Variants in FREM2 observed in about 807,000 individuals in gnomAD.
The protein encoded by FREM2 is FRAS1-related extracellular matrix protein 2.
FREM2 carries 119 observed loss-of-function variants against 219.9 expected under a neutral mutation model. That is an observed-to-expected ratio of 0.54 (90% CI 0.47 to 0.63). The LOEUF (loss-of-function observed/expected upper bound fraction) is 0.63, where lower values mean the gene tolerates loss of function less well. Among genes scored for constraint, FREM2 ranks in the 30% least tolerant of loss-of-function variants. The pLI, the probability that FREM2 is intolerant of heterozygous loss-of-function variation, is 0.00. For synonymous variants in FREM2, 1,562 were observed against 1,522.8 expected (o/e 1.03, Z -0.60); for missense variants, 4,030 against 3,993.6 (o/e 1.01, Z -0.25).
At chr13:38,766,084 A>G (rs1468012380) in intron 3 of FREM2, among the ~76,000 whole-genome samples, 3 of 152,224 alleles carry the variant, frequency 2.0e-5, no homozygotes, top group Non-Finnish European at 2.9e-5. Context: ...AAATAGGTTT[A>G]TCTATTTTTT....
At chr13:38,712,575 C>T (rs1870818221) in intron 2 of FREM2, among the ~76,000 whole-genome samples, 1 of 152,000 alleles carries the variant, frequency 6.6e-6, no homozygotes, top group Non-Finnish European at 1.5e-5. Flanking sequence ...CTAAGGCAGG[C>T]AGATATACAT....
At chr13:38,796,611 A>T (rs930673960) in intron 6 of FREM2, among the ~76,000 whole-genome samples, 4 of 152,152 alleles carry the variant, frequency 2.6e-5, no homozygotes, top group African/African-American at 7.2e-5. Flanking sequence ...TGTGAATATA[A>T]TGCACTTGAT....
At chr13:38,841,107 A>C (rs745309031) in intron 6 of FREM2, among the ~76,000 whole-genome samples, 3 of 152,082 alleles carry the variant, frequency 2.0e-5, no homozygotes, top group Non-Finnish European at 4.4e-5. Context: ...CCTAATCCTT[A>C]ATTTCCTTAT....
rs772941769 is a variant in FREM2, at chr13:38,692,032, C to G, written c.4688C>G (p.Thr1563Ser). Residue 1563 changes from threonine to serine, a missense_variant, in exon 1 of 24, where the codon ACT becomes AGT. By Grantham distance (58) the Thr-to-Ser change is moderately conservative. Transcript: ENST00000280481. ...GAGCTCACTGTCGAAGACAGAGATA[C>G]TCCTGACAAGCTCCTGAAATTCACT... ...PFELTVEDRD[T>S]PDKLLKFTIT... 6.2e-7 allele frequency: 1 copy of G among 1,614,228 alleles called. No individual in the cohort carries two copies. Among genetic ancestry groups the G allele is most frequent in the Non-Finnish European group, 8.5e-7 (1 of 1,180,040 alleles).
chr13:38,727,486 A>G (rs1871578697), intron 2 of FREM2, among the ~76,000 whole-genome samples: 1 of 152,226 alleles, frequency 6.6e-6, no homozygotes, highest in South Asian at 2.1e-4. Flanking sequence ...CTCAAAAAAC[A>G]AAACAAAACA....
intron 4 of FREM2, among the ~76,000 whole-genome samples, chr13:38,782,526 A>G (rs1874158066): frequency 2.0e-5 from 3 of 152,222 alleles, no homozygotes; most frequent in African/African-American, 4.8e-5. Context: ...TGAACAATGT[A>G]TTATTGTAAC....
chr13:38,805,815 G>A (rs1875203587), intron 6 of FREM2, among the ~76,000 whole-genome samples: 1 of 151,842 alleles, frequency 6.6e-6, no homozygotes, highest in African/African-American at 2.4e-5. Flanking sequence ...TTGTGAAAAT[G>A]TGCGGTATTA....
intron 16 of FREM2, among the ~76,000 whole-genome samples, chr13:38,869,437 A>T (rs958720626): frequency 2.6e-5 from 4 of 152,200 alleles, no homozygotes; most frequent in African/African-American, 9.7e-5. Context: ...CATTAAAGAA[A>T]TATTCCATGA....
intron 4 of FREM2, among the ~76,000 whole-genome samples, chr13:38,776,075 G>T (rs761944769): frequency 3.3e-5 from 5 of 152,184 alleles, no homozygotes; most frequent in African/African-American, 4.8e-5. Context: ...GTAAAAATTA[G>T]TCTATATTAC....
intron 6 of FREM2, among the ~76,000 whole-genome samples, chr13:38,785,084 T>C (rs1489800745): frequency 1.3e-5 from 2 of 152,214 alleles, no homozygotes; most frequent in Non-Finnish European, 2.9e-5. Flanking sequence ...ATTAAACTTT[T>C]GACATTTCAT....
intron 6 of FREM2, among the ~76,000 whole-genome samples, chr13:38,825,658 C>T (rs1876252826): frequency 6.6e-6 from 1 of 152,078 alleles, no homozygotes; most frequent in Non-Finnish European, 1.5e-5. Context: ...TCCTTAGTGA[C>T]ATTACATGTA....
intron 2 of FREM2, among the ~76,000 whole-genome samples, chr13:38,755,109 G>T (rs113488959): frequency 0.025 from 3,794 of 151,996 alleles, 192 homozygotes; most frequent in African/African-American, 0.088. Context: ...CACCATGTTG[G>T]TCAGGCTGGT....
intron 6 of FREM2, among the ~76,000 whole-genome samples, chr13:38,824,529 G>A (rs1330991017): frequency 6.6e-6 from 1 of 152,048 alleles, no homozygotes; most frequent in Non-Finnish European, 1.5e-5. Context: ...AGGCTCATAG[G>A]TTAGGGGTTT....
At chr13:38,843,508 G>C (rs1043007274) in intron 6 of FREM2, among the ~76,000 whole-genome samples, 5 of 151,404 alleles carry the variant, frequency 3.3e-5, no homozygotes, top group African/African-American at 1.2e-4. Context: ...TAATTTTTGA[G>C]GGACAAGCAA....
At chr13:38,701,913 T>C (rs1350492045) in intron 2 of FREM2, among the ~76,000 whole-genome samples, 4 of 152,242 alleles carry the variant, frequency 2.6e-5, no homozygotes, top group African/African-American at 9.6e-5. Context: ...TCAAAAAAGG[T>C]ATCATTAATC....
At chr13:38,708,909 G>A (rs749009391) in intron 2 of FREM2, among the ~76,000 whole-genome samples, 8 of 151,982 alleles carry the variant, frequency 5.3e-5, no homozygotes, top group Non-Finnish European at 1.2e-4. Context: ...ACAGGTGCCC[G>A]CCATGACGCC....
intron 6 of FREM2, among the ~76,000 whole-genome samples, chr13:38,826,278 A>G (rs1876281624): frequency 6.6e-6 from 1 of 152,108 alleles, no homozygotes; most frequent in African/African-American, 2.4e-5. Flanking sequence ...ATCAAATTGG[A>G]TATTGCAGAC....
rs575380040 is a variant in FREM2 at position 38,780,847 on chromosome 13, C to A, written c.5642-2223C>A. ...TTCTAGTTAATCCACTAGAGCTTCC[C>A]CATGCCAACAGCCTCCAATGAGGTC... On this transcript the variant is annotated intron_variant, in intron 4 of 23. Transcript: ENST00000280481. Among the ~76,000 whole-genome samples, 373 of 152,322 alleles carry A rather than the reference C, an allele frequency of 2.4e-3. 3 individuals are homozygous for A. Among genetic ancestry groups the A allele is most frequent in the African/African-American group, 8.2e-3 (342 of 41,578 alleles).
rs572075492 is a variant in FREM2, at chr13:38,746,152, T to G, written c.5264-18152T>G. 3.3e-5 allele frequency among the ~76,000 whole-genome samples: 5 copies of G among 152,338 alleles called. No homozygotes were observed. In the East Asian group the frequency reaches 9.6e-4, roughly 29 times the overall value. ...CTGTTCATCTGTCCTAAATTGGTCT[T>G]TAGACCACTTATGCTAAGTAGGAAC... On this transcript the variant is annotated intron_variant, in intron 2 of 23. Transcript: ENST00000280481.
Sources: allele counts gnomAD v4.1 joint callset (sites outside exome capture counted in the v4.1 genomes callset), GRCh38; gene constraint gnomAD v4.1.1; transcripts MANE v1.5; gene names NCBI Gene and HGNC (gene_info 2026-07-23, HGNC 2026-07-21).